PIP4K2A: variants seen among roughly 807,000 people sequenced by gnomAD.
PIP4K2A encodes the protein phosphatidylinositol 5-phosphate 4-kinase type-2 alpha.
A neutral mutation model predicts 42.9 loss-of-function variants in PIP4K2A; 14 were observed. That is an observed-to-expected ratio of 0.33 (90% CI 0.22 to 0.51). The LOEUF (loss-of-function observed/expected upper bound fraction) is 0.51. PIP4K2A is among the 20% of genes least tolerant of loss of function. The pLI is 0.97. For synonymous variants in PIP4K2A, 192 were observed against 192.2 expected (o/e 1.00, Z 0.01); for missense variants, 434 against 519.8 (o/e 0.83, Z 1.61).
At chr10:22,706,514 C>T (rs1833825833) in intron 1 of PIP4K2A, among the ~76,000 whole-genome samples, 1 of 152,202 alleles carries the variant, frequency 6.6e-6, no homozygotes, top group Non-Finnish European at 1.5e-5. Flanking sequence ...GCTCAATGTT[C>T]TGCACGGTCT....
intron 4 of PIP4K2A, among the ~76,000 whole-genome samples, chr10:22,591,269 G>A (rs1029282855): frequency 2.6e-5 from 4 of 152,246 alleles, no homozygotes; most frequent in African/African-American, 7.2e-5. Flanking sequence ...GGTGTAAATA[G>A]ATACATACTC....
intron 7 of PIP4K2A, among the ~76,000 whole-genome samples, chr10:22,546,793 C>G (rs1025892080): frequency 2.0e-5 from 3 of 152,098 alleles, no homozygotes; most frequent in Non-Finnish European, 4.4e-5. Context: ...GCTGGAAGCT[C>G]GCAGATGGAA....
At chr10:22,562,019 C>T (rs1156282525) in intron 6 of PIP4K2A, among the ~76,000 whole-genome samples, 1 of 152,018 alleles carries the variant, frequency 6.6e-6, no homozygotes, top group Non-Finnish European at 1.5e-5. Context: ...TATTTCAAAC[C>T]AGAGGTACCA....
intron 1 of PIP4K2A, among the ~76,000 whole-genome samples, chr10:22,674,037 T>TG (rs1185535079): frequency 9.8e-5 from 15 of 152,288 alleles, no homozygotes; most frequent in African/African-American, 2.4e-4. Context: ...TGTGTGTGTG[T>TG]TTTTTTAACC....
intron 1 of PIP4K2A, among the ~76,000 whole-genome samples, chr10:22,661,346 T>C (rs1322630024): frequency 6.9e-6 from 1 of 144,546 alleles, no homozygotes; most frequent in Non-Finnish European, 1.5e-5. Flanking sequence ...AGGATGATGC[T>C]GCCTTTTTTT....
At chr10:22,582,093 C>T (rs535791218) in intron 4 of PIP4K2A, among the ~76,000 whole-genome samples, 19 of 150,928 alleles carry the variant, frequency 1.3e-4, no homozygotes, top group Non-Finnish European at 2.2e-4. Context: ...CAGACCAAGA[C>T]CCTGTCTCAA....
At chr10:22,656,048 G>C (rs1166572621) in intron 1 of PIP4K2A, among the ~76,000 whole-genome samples, 1 of 152,176 alleles carries the variant, frequency 6.6e-6, no homozygotes, top group Non-Finnish European at 1.5e-5. Flanking sequence ...GCTCTACGGA[G>C]CATTAAGACC....
At chr10:22,606,386 T>C (rs1837907973) in intron 3 of PIP4K2A, among the ~76,000 whole-genome samples, 1 of 152,164 alleles carries the variant, frequency 6.6e-6, no homozygotes. Flanking sequence ...AACCACATCC[T>C]TCCTGTCCCA....
At chr10:22,602,384 A>T (rs1240549105) in intron 3 of PIP4K2A, among the ~76,000 whole-genome samples, 1 of 144,154 alleles carries the variant, frequency 6.9e-6, no homozygotes, top group Non-Finnish European at 1.5e-5. Context: ...ACAGAGTGAA[A>T]CTCTGTCTAT....
At chr10:22,585,287 A>C (rs7912144) in intron 4 of PIP4K2A, among the ~76,000 whole-genome samples, 18,459 of 152,214 alleles carry the variant, frequency 0.12, 1,254 homozygotes, top group African/African-American at 0.18. Context: ...AATCCTTGAA[A>C]TTTGAGGTGC....
chr10:22,589,374 T>C (rs952834252), intron 4 of PIP4K2A, among the ~76,000 whole-genome samples: 49 of 152,330 alleles, frequency 3.2e-4, no homozygotes, highest in African/African-American at 1.1e-3. Flanking sequence ...CCCTCACAGG[T>C]AGCATCCTGG....
chr10:22,573,481 G>GA (rs762464468), intron 4 of PIP4K2A, 24 bp from the exon 5 acceptor site: 14 of 1,585,416 alleles, frequency 8.8e-6, no homozygotes, highest in South Asian at 4.6e-5. Flanking sequence ...AAAGAAAAAG[G>GA]AAAAAAACAT....
intron 1 of PIP4K2A, among the ~76,000 whole-genome samples, chr10:22,631,430 A>T (rs1663287915): frequency 6.6e-6 from 1 of 152,160 alleles, no homozygotes; most frequent in African/African-American, 2.4e-5. Context: ...ATGTGAGGAC[A>T]GGGGCAGAAG....
intron 5 of PIP4K2A, among the ~76,000 whole-genome samples, chr10:22,571,125 A>G (rs562932385): frequency 7.3e-4 from 111 of 152,342 alleles, no homozygotes; most frequent in African/African-American, 2.6e-3. Context: ...ATTTCTTAAG[A>G]ACTGTTTTCG....
chr10:22,537,689 C>T (rs182563237), intron 9 of PIP4K2A, among the ~76,000 whole-genome samples: 10 of 152,262 alleles, frequency 6.6e-5, no homozygotes, highest in Admixed American at 5.9e-4. Context: ...CAACATTTGG[C>T]GAAAGGGAAA....
intron 3 of PIP4K2A, among the ~76,000 whole-genome samples, chr10:22,607,444 G>A (rs939920307): frequency 6.6e-5 from 10 of 152,168 alleles, no homozygotes; most frequent in Non-Finnish European, 1.5e-4. Flanking sequence ...GTCCAGCACT[G>A]CAGTGCACAA....
Position 22,623,013 on chromosome 10 carries a change from A to G in PIP4K2A, c.145-13296T>C, listed in dbSNP as rs151246638. On this transcript the variant is annotated intron_variant, in intron 1 of 9. Transcript: ENST00000376573. The stretch of plus-strand genomic sequence containing the variant: ...TCAAAAGAAAATGCCTAACATGACA[A>G]ATTCATAAATAATGGCACAAGCATA... Among the ~76,000 whole-genome samples, 618 of 152,324 alleles carry G rather than the reference A, an allele frequency of 4.1e-3. 2 individuals carry two copies. Among genetic ancestry groups the G allele is most frequent in the African/African-American group, 0.014 (602 of 41,564 alleles).
intron 5 of PIP4K2A, among the ~76,000 whole-genome samples, chr10:22,572,536 C>T (rs1357531034): frequency 6.6e-6 from 1 of 151,422 alleles, no homozygotes; most frequent in Non-Finnish European, 1.5e-5. Context: ...GCCAGTGGGG[C>T]AGAGGTTGCC....
chr10:22,567,750 C>A (rs749484882), intron 6 of PIP4K2A, 101 bp downstream of exon 6: 1 of 1,011,744 alleles, frequency 9.9e-7, no homozygotes, highest in South Asian at 1.3e-5. Context: ...CAGGAAGAAC[C>A]ACAATAGCAG....
Sources: gnomAD v4.1 joint callset for allele counts (sites outside exome capture counted in the v4.1 genomes callset) on GRCh38, gnomAD v4.1.1 for gene constraint, MANE v1.5 for transcripts, NCBI Gene and HGNC (gene_info 2026-07-23, HGNC 2026-07-21) for gene names.